The following PER1 variants were observed in gnomAD, a reference collection of about 807,000 sequenced individuals.
PER1 encodes the protein period circadian protein homolog 1.
A neutral mutation model predicts 125.9 loss-of-function variants in PER1; 87 were observed. The observed-to-expected ratio is 0.69, with a 90% CI of 0.58 to 0.83. The LOEUF (loss-of-function observed/expected upper bound fraction) is 0.83, where lower values mean the gene tolerates loss of function less well. Ranked by LOEUF, PER1 falls within the 40% of genes least tolerant of loss-of-function variation. The pLI is 0.00. For missense variants in PER1, 1,775 were observed against 1,722.8 expected, an observed-to-expected ratio of 1.03 and a Z score of -0.54; for synonymous variants, 801 against 714.7, an observed-to-expected ratio of 1.12 and a Z score of -1.93.
chr17:8,147,882 G>A (rs1982560833), intron 10 of PER1, 55 bp from the exon 11 acceptor site: 2 of 1,604,156 alleles, frequency 1.2e-6, no homozygotes, highest in African/African-American at 1.3e-5. Context: ...TGAGTAAGAG[G>A]GAGGCCATGC....
chr17:8,143,580 C>A lies in PER1; in HGVS notation c.2758G>T (p.Ala920Ser), dbSNP rs1982225329. 1.4e-6 allele frequency: 2 copies of A among 1,466,224 alleles called. No individual in the cohort carries two copies. The highest frequency in any genetic ancestry group is 1.8e-4 in the Middle Eastern group (1 of 5,536). The allele number at this position is 1,466,224 out of a possible 1,614,324, so 90.8% of individuals were successfully genotyped here. The stretch of plus-strand genomic sequence containing the variant: ...AACAGATAGTTAGGGAGCACCAAGG[C>A]CACCATTGGGGTCACCAAAGGGGCG... ...FPAPLVTPMV[A>S]LVLPNYLFPT... Residue 920 changes from alanine to serine, a missense_variant, in exon 19 of 23, where the codon GCC becomes TCC. By Grantham distance (99) the Ala-to-Ser change is moderately conservative (BLOSUM62 1). Transcript: ENST00000317276.
rs376375088 is a variant in PER1, at chr17:8,143,315, G to T, written c.3023C>A (p.Ala1008Asp). 21 of 1,596,832 alleles carry T rather than the reference G, an allele frequency of 1.3e-5. No homozygotes were observed. Among genetic ancestry groups the T allele is most frequent in the African/African-American group, 6.7e-5 (5 of 74,642 alleles). ...CTCCGCACTGGGAGGTGGGGGCCCGGCACTGCTCCCAGGGCCTCCTGCAAC... is the reference window on the plus strand; with the variant it reads ...CTCCGCACTGGGAGGTGGGGGCCCGTCACTGCTCCCAGGGCCTCCTGCAAC... ...AAVAGGPGSS[A>D]GPPPPSAEAA... Residue 1008 changes from alanine to aspartate, a missense_variant, in exon 19 of 23, where the codon GCC (alanine) becomes GAC (aspartate). By Grantham distance (126) the Ala-to-Asp change is moderately radical. Transcript: ENST00000317276.
intron 19 of PER1, among the ~76,000 whole-genome samples, 187 bp from the exon 20 acceptor site, chr17:8,143,022 T>C (rs1243873913): frequency 6.6e-6 from 1 of 152,170 alleles, no homozygotes; most frequent in Non-Finnish European, 1.5e-5. Flanking sequence ...GGCCAGACCC[T>C]TTCCAAGTGA....
intron 15 of PER1, 36 bp from the exon 16 acceptor site, chr17:8,146,538 G>C: frequency 3.7e-6 from 6 of 1,605,086 alleles, no homozygotes; most frequent in Non-Finnish European, 5.1e-6. Flanking sequence ...TCAGAGCAGG[G>C]CTTGGGGTGG....
chr17:8,141,989 G>T, intron 21 of PER1, 34 bp from the exon 22 acceptor site: 1 of 1,612,062 alleles, frequency 6.2e-7, no homozygotes, highest in Non-Finnish European at 8.5e-7. Context: ...GCAGAGGCTG[G>T]GATCCAGGAC....
chr17:8,148,493 C>T, intron 8 of PER1, 151 bp downstream of exon 8: 1 of 1,039,350 alleles, frequency 9.6e-7, no homozygotes, highest in Non-Finnish European at 1.4e-6. Context: ...TCAACTCTAC[C>T]TCTAAGAGGA....
intron 18 of PER1, 128 bp downstream of exon 18, chr17:8,144,623 G>A (rs1982303845): frequency 7.1e-6 from 9 of 1,271,778 alleles, no homozygotes; most frequent in Non-Finnish European, 9.9e-6. Flanking sequence ...TCCCTAGGCA[G>A]GGCCTAGTGG....
In PER1 at chr17:8,141,161, AGCCTTGGCC is replaced by A. The variant is rs1374712904; in HGVS notation, c.3771_3779del (p.Ala1258_Ala1260del). ...CCATAGCCAAGTCCTGAGAGCTTGA[AGCCTTGGCC>A]CCGCCTTGGGCCTCCTCGCAGCCCT... On this transcript the variant is annotated inframe_deletion, in exon 23 of 23. Coordinates refer to ENST00000317276, the MANE Select transcript of PER1 (RefSeq NM_002616.3). 5.6e-6 allele frequency: 9 copies of A among 1,614,146 alleles called. No homozygotes were observed. Among genetic ancestry groups the A allele is most frequent in the Non-Finnish European group, 6.8e-6 (8 of 1,180,006 alleles).
At chr17:8,143,157 C>T in intron 19 of PER1, 109 bp downstream of exon 19, 1 of 833,384 alleles carries the variant, frequency 1.2e-6, no homozygotes, top group South Asian at 1.9e-5. Context: ...CTCCCTCCAC[C>T]TCCTGGAGGC....
rs539026246 is a variant in PER1 at position 8,147,235 on chromosome 17, G to A, written c.1629+15C>T. The A allele has an allele frequency of 6.9e-6, 11 of 1,598,044 alleles. No homozygotes were observed. Among genetic ancestry groups the A allele is most frequent in the Non-Finnish European group, 9.4e-6 (11 of 1,172,230 alleles). ...AAAGGGCGATTAGAGGGTGAGGTAG[G>A]AGCAGGTCACTCACTGGCGCAGGAG... is the stretch of plus-strand genomic sequence containing the variant. On this transcript the variant is annotated intron_variant, in intron 13 of 22. Transcript: ENST00000317276.
rs745411228 is a variant in PER1, at chr17:8,149,637, G to A, written c.678C>T (p.Phe226=). 6 of 1,610,938 alleles carry A rather than the reference G, an allele frequency of 3.7e-6. No homozygotes were observed. The highest frequency in any genetic ancestry group is 1.1e-5 in the South Asian group (1 of 91,034). ...NQDTFSVAVS[F]LTGRIVYISE... The stretch of plus-strand genomic sequence containing the variant: ...AAATGTAGACGATTCGGCCCGTCAG[G>A]AAGGAGACAGCCACTGAGAAGGTAT... The change falls in exon 6 of 23, where the codon TTC becomes TTT. Residue 226 remains phenylalanine (F), a synonymous_variant. Coordinates refer to ENST00000317276, the MANE Select transcript of PER1 (RefSeq NM_002616.3).
In PER1 at chr17:8,150,042, C is replaced by T. The variant is rs774655452; in HGVS notation, c.458G>A (p.Arg153His). 7.4e-6 allele frequency: 12 copies of T among 1,614,054 alleles called. No homozygotes were observed. The Admixed American group carries it at 1.5e-4, about 20-fold the overall frequency. Residue 153 changes from arginine to histidine, a missense_variant, in exon 4 of 23, where the codon CGC becomes CAC. Arg to His is a conservative substitution (Grantham distance 29). Coordinates refer to ENST00000317276, the MANE Select transcript of PER1 (RefSeq NM_002616.3). ...GGTCCCAGAGCGGCCCTTGCCCCGG[C>T]GCTCTGGCGGCAGTCGAAGCTTGAG... ...RELKLRLPPE[R>H]RGKGRSGTLA... is the part of the protein sequence containing the mutation.
Position 8,142,187 on chromosome 17 carries a change from G to C in PER1, c.3449+82C>G, listed in dbSNP as rs1982121454. ...AGATAGAAACGTTTATCCTATCCAG[G>C]GCAGAGCCAGCCCCAGAAAAGAAAA... On this transcript the variant is annotated intron_variant, in intron 21 of 22. Coordinates refer to ENST00000317276, the MANE Select transcript of PER1 (RefSeq NM_002616.3). The C allele has an allele frequency of 2.4e-6, 3 of 1,228,032 alleles. No homozygotes were observed. The South Asian group carries it at 4.4e-5, about 18-fold the overall frequency. 76.1% of individuals were successfully genotyped at this position (1,228,032 alleles called of 1,614,324 possible).
intron 6 of PER1, 71 bp from the exon 7 acceptor site, chr17:8,149,381 G>A (rs761253768): frequency 6.2e-7 from 1 of 1,606,668 alleles, no homozygotes. Flanking sequence ...TCCACTAAGG[G>A]AAAGTCTGGG....
chr17:8,146,890 A>C lies in PER1; in HGVS notation c.1735+7T>G, dbSNP rs1982484543. 6.2e-7 allele frequency: 1 copy of C among 1,613,096 alleles called. No individual in the cohort carries two copies. Among genetic ancestry groups the C allele is most frequent in the African/African-American group, 1.3e-5 (1 of 74,872 alleles). ...GTCTCTTCACCCACACATCATCATCAACTCACCAGGGAGGCGGGGCCGGGA... is the reference window on the plus strand; with the variant it reads ...GTCTCTTCACCCACACATCATCATCCACTCACCAGGGAGGCGGGGCCGGGA... On this transcript the variant is annotated splice_region_variant and intron_variant, in intron 14 of 22. Coordinates refer to ENST00000317276, the MANE Select transcript of PER1 (RefSeq NM_002616.3).
At chr17:8,151,791 A>T (rs1982877011) in intron 1 of PER1, among the ~76,000 whole-genome samples, 1 of 151,898 alleles carries the variant, frequency 6.6e-6, no homozygotes, top group Non-Finnish European at 1.5e-5. Flanking sequence ...GGCAGAAGAC[A>T]CACAACAGCC....
chr17:8,146,213 G>A, intron 16 of PER1, 76 bp from the exon 17 acceptor site: 1 of 1,536,112 alleles, frequency 6.5e-7, no homozygotes, highest in South Asian at 1.3e-5. Context: ...AGGGAAAAGG[G>A]GAAGGGGATG....
chr17:8,148,296 A>C, intron 8 of PER1, 37 bp from the exon 9 acceptor site: 1 of 1,553,270 alleles, frequency 6.4e-7, no homozygotes, highest in Non-Finnish European at 8.9e-7. Context: ...GGTTTCGTCC[A>C]GAATGCCCAA....
rs775106071 is a variant in PER1 at position 8,149,598 on chromosome 17, G to A, written c.717C>T (p.Ala239=). The change falls in exon 6 of 23, where the codon GCC becomes GCT. Residue 239 remains alanine (A), a synonymous_variant. Coordinates refer to ENST00000317276, the MANE Select transcript of PER1 (RefSeq NM_002616.3). ...CGTCCCGCTTGCAACGCAGCAGGAC[G>A]GCTGCCTGCTCCGAAATGTAGACGA... is the stretch of plus-strand genomic sequence containing the variant. ...GRIVYISEQA[A]VLLRCKRDVF... The A allele has an allele frequency of 9.3e-5, 150 of 1,613,190 alleles. 1 individual carries two copies. In the Middle Eastern group the frequency reaches 3.0e-3, roughly 32 times the overall value.
Sources: gnomAD v4.1 joint callset for allele counts (sites outside exome capture counted in the v4.1 genomes callset) on GRCh38, gnomAD v4.1.1 for gene constraint, MANE v1.5 for transcripts, NCBI Gene and HGNC (gene_info 2026-07-23, HGNC 2026-07-21) for gene names.